The following CHIA variants were observed in gnomAD, a reference collection of about 807,000 sequenced individuals.
CHIA encodes acidic mammalian chitinase.
A neutral mutation model predicts 53.5 loss-of-function variants in CHIA; 47 were observed. That is an observed-to-expected ratio of 0.88 (90% CI 0.70 to 1.12). The LOEUF (loss-of-function observed/expected upper bound fraction) is 1.12, where lower values mean the gene tolerates loss of function less well. CHIA is among the 50% of genes most tolerant of loss of function. The probability of loss-of-function intolerance (pLI) is 0.00; values close to 1 mark genes in which losing one functional copy is unlikely to be tolerated. For synonymous variants in CHIA, 268 were observed against 222.2 expected (o/e 1.21, Z -1.83); for missense variants, 652 against 592.2 (o/e 1.10, Z -1.05).
intron 1 of CHIA, among the ~76,000 whole-genome samples, chr1:111,303,854 G>A (rs1048576394): frequency 6.6e-6 from 1 of 152,128 alleles, no homozygotes; most frequent in African/African-American, 2.4e-5. Flanking sequence ...TCATATGGCA[G>A]CAAGTTGCTG....
At chr1:111,294,672 G>A (rs971949655) in intron 1 of CHIA, among the ~76,000 whole-genome samples, 11 of 152,184 alleles carry the variant, frequency 7.2e-5, no homozygotes, top group Admixed American at 6.5e-4. Context: ...GATATTTGCT[G>A]TGGGTTTTTC....
chr1:111,305,737 A>G (rs1255470824), intron 1 of CHIA, among the ~76,000 whole-genome samples: 1 of 152,182 alleles, frequency 6.6e-6, no homozygotes, highest in Non-Finnish European at 1.5e-5. Context: ...CTACTTTGCC[A>G]TCTTCTCAGA....
intron 4 of CHIA, among the ~76,000 whole-genome samples, 192 bp downstream of exon 4, chr1:111,312,583 C>T (rs548844817): frequency 2.0e-5 from 3 of 152,240 alleles, no homozygotes; most frequent in East Asian, 1.9e-4. Context: ...AATATGTATA[C>T]GGTGCGGAAT....
chr1:111,316,945 AG>A (rs1168529808), intron 6 of CHIA: 2 of 152,204 alleles, frequency 1.3e-5, no homozygotes, highest in Non-Finnish European at 2.9e-5. Context: ...CATTGTTTCT[AG>A]TTCTTCCTGC....
intron 2 of CHIA, among the ~76,000 whole-genome samples, chr1:111,310,752 G>C (rs1300725152): frequency 6.6e-6 from 1 of 152,134 alleles, no homozygotes; most frequent in East Asian, 1.9e-4. Context: ...CTTTCTCCTA[G>C]TGCTAGTCTT....
chr1:111,313,435 T>C (rs953612510), intron 4 of CHIA, among the ~76,000 whole-genome samples: 7 of 152,190 alleles, frequency 4.6e-5, no homozygotes, highest in Non-Finnish European at 1.0e-4. Flanking sequence ...TTGTTGACCA[T>C]TGGTATGTCT....
chr1:111,291,227 C>A (rs1459421973), intron 1 of CHIA, among the ~76,000 whole-genome samples: 1 of 152,056 alleles, frequency 6.6e-6, no homozygotes, highest in Non-Finnish European at 1.5e-5. Context: ...GTTATTGCAG[C>A]ACTATTTACA....
rs1296036684 is a variant in CHIA at position 111,314,612 on chromosome 1, A to G, written c.314+16A>G. On this transcript the variant is annotated intron_variant, in intron 5 of 11. Transcript: ENST00000369740. ...GGACTGCCCCGTAAGTCTTCTATGG[A>G]GAGCATGTTGTTCGTTTGCTATGGA... 8.1e-6 allele frequency: 13 copies of G among 1,604,988 alleles called. No individual in the cohort carries two copies. The highest frequency in any genetic ancestry group is 1.1e-5 in the Non-Finnish European group (13 of 1,171,826).
intron 1 of CHIA, among the ~76,000 whole-genome samples, chr1:111,291,597 C>G (rs907799190): frequency 6.6e-6 from 1 of 151,960 alleles, no homozygotes; most frequent in African/African-American, 2.4e-5. Flanking sequence ...TTGATAGGTG[C>G]AGCAAACCAT....
Position 111,318,038 on chromosome 1 carries a change from G to A in CHIA, c.658G>A (p.Gly220Ser). The change falls in exon 8 of 12, where the codon GGC (glycine) becomes AGC (serine). Residue 220 changes from glycine (G) to serine (S), a missense_variant. Coordinates refer to ENST00000369740, the MANE Select transcript of CHIA (RefSeq NM_201653.4). The part of the protein sequence containing the change: ...MTYDLHGSWE[G>S]YTGENSPLYK... ...CTACGACCTCCATGGCTCCTGGGAG[G>A]GCTACACTGGAGAGAACAGCCCCCT... is the stretch of plus-strand genomic sequence containing the variant. 6.2e-7 allele frequency: 1 copy of A among 1,614,040 alleles called. No individual in the cohort carries two copies. Among genetic ancestry groups the A allele is most frequent in the Non-Finnish European group, 8.5e-7 (1 of 1,179,990 alleles).
chr1:111,311,799 C>T, intron 3 of CHIA, 81 bp downstream of exon 3: 1 of 1,442,984 alleles, frequency 6.9e-7, no homozygotes, highest in Admixed American at 1.7e-5. Flanking sequence ...CCGCTGTTTG[C>T]TTCACAGACA....
intron 6 of CHIA, 153 bp downstream of exon 6, chr1:111,315,588 C>A: frequency 1.3e-6 from 1 of 762,968 alleles, no homozygotes; most frequent in Non-Finnish European, 2.1e-6. Context: ...GTTCATTAAA[C>A]AAACATTTAA....
intron 1 of CHIA, among the ~76,000 whole-genome samples, chr1:111,296,472 G>A (rs1661345035): frequency 6.6e-6 from 1 of 152,218 alleles, no homozygotes; most frequent in South Asian, 2.1e-4. Context: ...CAGACCTGCA[G>A]CTGAGGGACC....
At position 111,317,711 on chromosome 1, in the gene CHIA, A is replaced by G. The variant is rs1571303449; in HGVS notation, c.511A>G (p.Lys171Glu). 2 of 1,614,164 alleles carry G rather than the reference A, an allele frequency of 1.2e-6. No individual in the cohort carries two copies. Among genetic ancestry groups the G allele is most frequent in the Non-Finnish European group, 1.7e-6 (2 of 1,180,014 alleles). ...EMREAFEQEA[K>E]QINKPRLMVT... The stretch of plus-strand genomic sequence containing the variant: ...GCGTGAAGCTTTTGAGCAGGAGGCC[A>G]AGCAGATCAACAAGCCCAGGCTGAT... Residue 171 changes from lysine (K) to glutamate (E), a missense_variant, in exon 7 of 12, where the codon AAG becomes GAG. Coordinates refer to ENST00000369740, the MANE Select transcript of CHIA (RefSeq NM_201653.4).
intron 1 of CHIA, among the ~76,000 whole-genome samples, chr1:111,296,795 T>C (rs1197239354): frequency 6.6e-6 from 1 of 152,162 alleles, no homozygotes; most frequent in African/African-American, 2.4e-5. Context: ...TGAGCATGTT[T>C]GAACCCATCA....
intron 1 of CHIA, 141 bp downstream of exon 1, chr1:111,291,091 G>C (rs1660986335): frequency 3.3e-6 from 1 of 299,612 alleles, no homozygotes; most frequent in African/African-American, 2.2e-5. Flanking sequence ...GTGAGATAAA[G>C]GTTGTTTACC....
intron 5 of CHIA, 109 bp downstream of exon 5, chr1:111,314,705 G>A: frequency 1.4e-6 from 1 of 706,958 alleles, no homozygotes; most frequent in South Asian, 1.8e-5. Context: ...TATTGAGGAT[G>A]TACATAAACA....
At chr1:111,300,948 G>A (rs1430750949) in intron 1 of CHIA, among the ~76,000 whole-genome samples, 1 of 152,166 alleles carries the variant, frequency 6.6e-6, no homozygotes, top group Non-Finnish European at 1.5e-5. Context: ...CTCAAAAGAA[G>A]ACATTTATGC....
chr1:111,295,989 G>A (rs1222213525), intron 1 of CHIA, among the ~76,000 whole-genome samples: 2 of 152,234 alleles, frequency 1.3e-5, no homozygotes, highest in Non-Finnish European at 2.9e-5. Context: ...GACCTGTGAG[G>A]CAGCAGCCTG....
Sources: allele counts gnomAD v4.1 joint callset (sites outside exome capture counted in the v4.1 genomes callset), GRCh38; gene constraint gnomAD v4.1.1; transcripts MANE v1.5; gene names NCBI Gene and HGNC (gene_info 2026-07-23, HGNC 2026-07-21).